KLC1: variants seen among roughly 807,000 people sequenced by gnomAD.
KLC1 encodes the protein kinesin light chain 1, also known as kinesin 2 60/70kDa.
In KLC1, 30 loss-of-function variants were observed where a neutral mutation model predicts 84.2. That is an observed-to-expected ratio of 0.36 (90% CI 0.27 to 0.48). The LOEUF (loss-of-function observed/expected upper bound fraction) is 0.48, where lower values mean the gene tolerates loss of function less well. Among genes scored for constraint, KLC1 ranks in the 20% least tolerant of loss-of-function variants. The pLI, the probability that KLC1 is intolerant of heterozygous loss-of-function variation, is 0.99. For synonymous variants in KLC1, 289 were observed against 293.3 expected, an observed-to-expected ratio of 0.99 and a Z score of 0.15; for missense variants, 499 against 805.4, an observed-to-expected ratio of 0.62 and a Z score of 4.60.
In KLC1 at chr14:103,679,530, C is replaced by G; in HGVS notation, c.1635C>G (p.Ser545Arg). Residue 545 changes from serine (S) to arginine (R), a missense_variant, in exon 13 of 17, where the codon AGC becomes AGG. Physicochemically the swap from Ser to Arg is moderately radical, Grantham distance 110. Coordinates refer to ENST00000334553, the MANE Select transcript of KLC1 (RefSeq NM_001394837.1). ...GPDGGEEVSM[S>R]VEWNGDGTGS... Reference sequence around the variant, plus strand: ...ACGGAGGGGAGGAAGTGAGTATGAGCGTAGAGTGGAACGGGGTAAGTACAG... The same window carrying G: ...ACGGAGGGGAGGAAGTGAGTATGAGGGTAGAGTGGAACGGGGTAAGTACAG... 6.2e-7 allele frequency: 1 copy of G among 1,613,692 alleles called. No homozygotes were observed. The highest frequency in any genetic ancestry group is 8.5e-7 in the Non-Finnish European group (1 of 1,179,696).
intron 1 of KLC1, among the ~76,000 whole-genome samples, chr14:103,642,720 TG>T (rs2077583890): frequency 6.6e-6 from 1 of 151,422 alleles, no homozygotes; most frequent in African/African-American, 2.4e-5. Flanking sequence ...TGACAAAAGC[TG>T]GAACAACTTG....
intron 15 of KLC1, chr14:103,695,031 GCTCCTGA>G: frequency 1.0e-6 from 1 of 985,346 alleles, no homozygotes. Flanking sequence ...CTTTTCTGAG[GCTCCTGA>G]CTCCATTCTT....
intron 13 of KLC1, 42 bp from the exon 14 acceptor site, chr14:103,687,039 G>C: frequency 6.7e-7 from 1 of 1,485,864 alleles, no homozygotes; most frequent in Non-Finnish European, 9.1e-7. Context: ...GGGAAGGAGG[G>C]AGAACCACCT....
At chr14:103,651,979 G>C (rs183677524) in intron 1 of KLC1, among the ~76,000 whole-genome samples, 126 of 152,324 alleles carry the variant, frequency 8.3e-4, no homozygotes, top group African/African-American at 3.0e-3. Flanking sequence ...CTTGTCTTCT[G>C]CTAGCTTGCA....
At chr14:103,647,688 A>C (rs1330099735) in intron 1 of KLC1, among the ~76,000 whole-genome samples, 1 of 151,766 alleles carries the variant, frequency 6.6e-6, no homozygotes, top group Non-Finnish European at 1.5e-5. Flanking sequence ...CCATCCTGGC[A>C]TACATGGTAA....
intron 1 of KLC1, among the ~76,000 whole-genome samples, chr14:103,638,916 T>TGTGC (rs2077272393): frequency 6.6e-6 from 1 of 152,012 alleles, no homozygotes; most frequent in Admixed American, 6.6e-5. Flanking sequence ...TGTGTGTGTG[T>TGTGC]GCGTGCATGC....
intron 14 of KLC1, 69 bp from the exon 15 acceptor site, chr14:103,692,290 T>C (rs1224890597): frequency 6.9e-7 from 1 of 1,447,544 alleles, no homozygotes; most frequent in Admixed American, 2.0e-5. Flanking sequence ...GGGCTTTGCT[T>C]GTGCTTCCTG....
intron 5 of KLC1, among the ~76,000 whole-genome samples, chr14:103,669,218 T>C (rs1007820496): frequency 6.6e-5 from 10 of 151,744 alleles, no homozygotes; most frequent in Non-Finnish European, 7.4e-5. Flanking sequence ...GGGTGGATCA[T>C]GAGGTCAGGA....
chr14:103,657,451 T>C, intron 2 of KLC1, 95 bp from the exon 3 acceptor site: 1 of 871,886 alleles, frequency 1.1e-6, no homozygotes, highest in Non-Finnish European at 1.8e-6. Context: ...TCTGCGAGTG[T>C]AAGCTACAGC....
intron 1 of KLC1, among the ~76,000 whole-genome samples, chr14:103,639,955 A>G (rs972148526): frequency 6.1e-5 from 9 of 148,294 alleles, no homozygotes; most frequent in Non-Finnish European, 1.0e-4. Flanking sequence ...GGGTTTTGCC[A>G]TGTTTCCCTG....
At chr14:103,677,842 C>T (rs2081032414) in intron 12 of KLC1, among the ~76,000 whole-genome samples, 1 of 151,940 alleles carries the variant, frequency 6.6e-6, no homozygotes, top group African/African-American at 2.4e-5. Context: ...GCCTGTAATC[C>T]TGTAATCCCA....
rs182858739 is a variant in KLC1 at position 103,684,343 on chromosome 14, A to G, written c.1651-2738A>G. Among the ~76,000 whole-genome samples the G allele has an allele frequency of 1.5e-3, 231 of 152,366 alleles. 2 individuals carry two copies. Among genetic ancestry groups the G allele is most frequent in the Non-Finnish European group, 9.7e-4 (66 of 68,038 alleles). On this transcript the variant is annotated intron_variant, in intron 13 of 16. Transcript: ENST00000334553. ...CAGGTAACCCACCTTTGTAATGTGAATATTCTTTCCCAGTAATATAAAGAG... is the reference window on the plus strand; with the variant it reads ...CAGGTAACCCACCTTTGTAATGTGAGTATTCTTTCCCAGTAATATAAAGAG...
intron 5 of KLC1, among the ~76,000 whole-genome samples, chr14:103,665,449 G>A (rs1351484030): frequency 6.6e-6 from 1 of 151,972 alleles, no homozygotes; most frequent in African/African-American, 2.4e-5. Context: ...CCTGTCTTGT[G>A]TCTTGATGGA....
Position 103,677,526 on chromosome 14 carries a change from T to C in KLC1, c.1488+3T>C. On this transcript the variant is annotated splice_donor_region_variant and intron_variant, in intron 12 of 16. Transcript: ENST00000334553. ...CTGCTATGAGGTCTCGTAAACAGGT[T>C]AGTCATACTTCTGTCCTTAACCGGC... is the stretch of plus-strand genomic sequence containing the variant. 6.3e-7 allele frequency: 1 copy of C among 1,591,424 alleles called. No homozygotes were observed. Among genetic ancestry groups the C allele is most frequent in the Non-Finnish European group, 8.6e-7 (1 of 1,159,572 alleles).
intron 13 of KLC1, chr14:103,682,841 T>C (rs1335312144): frequency 6.8e-6 from 1 of 148,004 alleles, no homozygotes; most frequent in African/African-American, 2.5e-5. Context: ...GGTGGCACAA[T>C]CTCCACTCAC....
At chr14:103,686,441 C>A (rs2081785553) in intron 13 of KLC1, 1 of 157,052 alleles carries the variant, frequency 6.4e-6, no homozygotes, top group South Asian at 2.0e-4. Context: ...ATACCTGAAT[C>A]AATTAAGATG....
At chr14:103,698,575 G>A in intron 15 of KLC1, 1 of 588,968 alleles carries the variant, frequency 1.7e-6, no homozygotes, top group Non-Finnish European at 3.0e-6. Context: ...CCAGCAAGCG[G>A]GCCTGTCCCC....
chr14:103,639,817 G>A (rs930195633), intron 1 of KLC1, among the ~76,000 whole-genome samples: 2 of 151,538 alleles, frequency 1.3e-5, no homozygotes. Context: ...AGAGCACAAT[G>A]GTGCAATCAT....
At chr14:103,677,814 C>G (rs2151744778) in intron 12 of KLC1, among the ~76,000 whole-genome samples, 1 of 150,746 alleles carries the variant, frequency 6.6e-6, no homozygotes, top group East Asian at 2.0e-4. Flanking sequence ...CAAAAATTAG[C>G]TGGGCGTGGT....
Sources: allele counts gnomAD v4.1 joint callset (sites outside exome capture counted in the v4.1 genomes callset), GRCh38; gene constraint gnomAD v4.1.1; transcripts MANE v1.5; gene names NCBI Gene and HGNC (gene_info 2026-07-23, HGNC 2026-07-21).